TSPAN18: variants seen among roughly 807,000 people sequenced by gnomAD.
TSPAN18 encodes the protein tetraspanin 18, also known as tetraspanin-18.
Under a neutral mutation model 27.3 loss-of-function variants are expected in TSPAN18, and 14 were observed. That is an observed-to-expected ratio of 0.51 (90% CI 0.34 to 0.80). The LOEUF (loss-of-function observed/expected upper bound fraction) is 0.80, where lower values mean the gene tolerates loss of function less well. Ranked by LOEUF, TSPAN18 falls within the 30% of genes least tolerant of loss-of-function variation. The pLI, the probability that TSPAN18 is intolerant of heterozygous loss-of-function variation, is 0.01. For missense variants in TSPAN18, 268 were observed against 323.9 expected (o/e 0.83, Z 1.32); for synonymous variants, 143 against 136.5 (o/e 1.05, Z -0.33).
intron 2 of TSPAN18, among the ~76,000 whole-genome samples, chr11:44,794,187 T>C (rs966186237): frequency 9.2e-5 from 14 of 152,168 alleles, no homozygotes; most frequent in Non-Finnish European, 1.5e-5. Context: ...GAAAGAACCA[T>C]GGTCAAGTTT....
At chr11:44,924,080 C>T (rs112439722) in intron 8 of TSPAN18, among the ~76,000 whole-genome samples, 1 of 143,862 alleles carries the variant, frequency 7.0e-6, no homozygotes, top group African/African-American at 2.7e-5. Context: ...TGCTGCTTCT[C>T]CTGTCCCCTT....
chr11:44,865,122 A>G (rs571818442), intron 3 of TSPAN18, among the ~76,000 whole-genome samples: 2 of 152,368 alleles, frequency 1.3e-5, no homozygotes, highest in Admixed American at 1.3e-4. Context: ...AAGTAGTGGA[A>G]TGGACTCAAA....
At chr11:44,772,957 C>T (rs997209509) in intron 2 of TSPAN18, among the ~76,000 whole-genome samples, 3 of 151,986 alleles carry the variant, frequency 2.0e-5, no homozygotes, top group Admixed American at 6.5e-5. Context: ...GCACTGAGCC[C>T]GATTTTGAGT....
rs182754253 is a variant in TSPAN18 at position 44,834,473 on chromosome 11, A to G, written c.-152-25855A>G. On this transcript the variant is annotated intron_variant, in intron 2 of 9. Transcript: ENST00000520358. ...GGGTTGTGAAGTTGGCAAATGATGA[A>G]TCTATTTTTTTTTCCACTTTGATGA... Among the ~76,000 whole-genome samples, 15 of 149,966 alleles carry G rather than the reference A, an allele frequency of 1.0e-4. No homozygotes were observed. The East Asian group carries it at 3.0e-3, about 30-fold the overall frequency.
At chr11:44,741,101 C>T (rs1854922695) in intron 1 of TSPAN18, among the ~76,000 whole-genome samples, 1 of 152,148 alleles carries the variant, frequency 6.6e-6, no homozygotes, top group South Asian at 2.1e-4. Flanking sequence ...ACCTCGGAGC[C>T]TTGTGTCCCC....
At chr11:44,888,292 A>T (rs1858728134) in intron 3 of TSPAN18, among the ~76,000 whole-genome samples, 2 of 152,154 alleles carry the variant, frequency 1.3e-5, no homozygotes, top group African/African-American at 4.8e-5. Context: ...AAGCTTACTC[A>T]CCTTCTCTGA....
intron 3 of TSPAN18, among the ~76,000 whole-genome samples, chr11:44,874,289 G>A (rs1235338505): frequency 2.0e-5 from 3 of 152,172 alleles, no homozygotes; most frequent in African/African-American, 7.2e-5. Flanking sequence ...TGGGCATGGG[G>A]AAAAGGGTGG....
intron 2 of TSPAN18, among the ~76,000 whole-genome samples, chr11:44,809,361 G>A (rs920175005): frequency 6.6e-5 from 10 of 151,892 alleles, no homozygotes; most frequent in Middle Eastern, 3.2e-3. Context: ...TGCATCCCCA[G>A]GACCCGGCAT....
intron 2 of TSPAN18, among the ~76,000 whole-genome samples, chr11:44,826,875 A>G (rs1247355213): frequency 1.3e-5 from 2 of 151,926 alleles, no homozygotes; most frequent in African/African-American, 2.4e-5. Context: ...GTATAATGTC[A>G]TTTCTCCTTT....
At chr11:44,890,837 A>T (rs145267602) in intron 3 of TSPAN18, among the ~76,000 whole-genome samples, 5 of 126,000 alleles carry the variant, frequency 4.0e-5, no homozygotes, top group African/African-American at 1.3e-4. Context: ...ATGTTTATTT[A>T]AAAAAAGCAC....
chr11:44,917,044 T>C (rs1012644485), intron 5 of TSPAN18, among the ~76,000 whole-genome samples: 1 of 152,232 alleles, frequency 6.6e-6, no homozygotes, highest in East Asian at 1.9e-4. Context: ...CATTCATCCA[T>C]GTAAGAGTCC....
intron 2 of TSPAN18, among the ~76,000 whole-genome samples, chr11:44,820,696 C>T (rs1047892139): frequency 6.6e-6 from 1 of 151,730 alleles, no homozygotes; most frequent in Admixed American, 6.6e-5. Flanking sequence ...AATTTGACCC[C>T]CAGTGTTGGA....
At chr11:44,851,213 G>A (rs1173038194) in intron 2 of TSPAN18, among the ~76,000 whole-genome samples, 3 of 152,220 alleles carry the variant, frequency 2.0e-5, no homozygotes, top group Non-Finnish European at 1.5e-5. Flanking sequence ...CAGTGGGCCA[G>A]CGGGGAATCT....
intron 2 of TSPAN18, among the ~76,000 whole-genome samples, chr11:44,785,609 C>T (rs1856038451): frequency 7.1e-6 from 1 of 140,434 alleles, no homozygotes; most frequent in South Asian, 2.2e-4. Context: ...TGAGTTTTTT[C>T]CACAAAGTAC....
chr11:44,762,610 C>T (rs1022239266), intron 1 of TSPAN18, among the ~76,000 whole-genome samples: 1 of 151,792 alleles, frequency 6.6e-6, no homozygotes, highest in Non-Finnish European at 1.5e-5. Context: ...CCTATATATA[C>T]ACATATGTGT....
rs1309041599 is a variant in TSPAN18 at position 44,726,972 on chromosome 11, G to C, written c.-555G>C. On this transcript the variant is annotated 5_prime_UTR_variant, in exon 1 of 10. Transcript: ENST00000520358. ...GGCTGGCGGGCGTGCAGCTGCCGCCGGCGTCGCGGGGCTCCAGGCTGCGGG... is the reference window on the plus strand; with the variant it reads ...GGCTGGCGGGCGTGCAGCTGCCGCCCGCGTCGCGGGGCTCCAGGCTGCGGG... The C allele has an allele frequency of 1.4e-5, 2 of 146,930 alleles. No homozygotes were observed. The highest frequency in any genetic ancestry group is 3.1e-5 in the Non-Finnish European group (2 of 65,508). The allele number at this position is 146,930 out of a possible 1,614,324, so 9.1% of individuals were successfully genotyped here. A position where few individuals can be genotyped will look rare whatever the true frequency, so the allele number is the denominator to read the frequency against.
At chr11:44,762,637 T>G (rs955535561) in intron 1 of TSPAN18, among the ~76,000 whole-genome samples, 16 of 149,282 alleles carry the variant, frequency 1.1e-4, no homozygotes, top group South Asian at 8.4e-4. Context: ...GTGTGTGTGT[T>G]TGTGTGTGTG....
intron 3 of TSPAN18, chr11:44,903,800 TGGA>T: frequency 2.4e-6 from 1 of 410,102 alleles, no homozygotes; most frequent in East Asian, 7.1e-5. Context: ...CCTTCCAAGC[TGGA>T]TTGCCTGGGT....
At position 44,851,622 on chromosome 11, in the gene TSPAN18, C is replaced by T. The variant is rs75939585; in HGVS notation, c.-152-8706C>T. On this transcript the variant is annotated intron_variant, in intron 2 of 9. Coordinates refer to ENST00000520358, the MANE Select transcript of TSPAN18 (RefSeq NM_130783.5). ...CCAGGTACTCTTGTCACCTCCCCCC[C>T]CCAACGGCTGGGTCCCTGTCTACCT... Among the ~76,000 whole-genome samples the T allele has an allele frequency of 8.3e-3, 1,226 of 148,442 alleles. 54 individuals are homozygous for T. The highest frequency in any genetic ancestry group is 0.028 in the African/African-American group (1,118 of 40,590).
Sources: gnomAD v4.1 joint callset for allele counts (sites outside exome capture counted in the v4.1 genomes callset) on GRCh38, gnomAD v4.1.1 for gene constraint, MANE v1.5 for transcripts, NCBI Gene and HGNC (gene_info 2026-07-23, HGNC 2026-07-21) for gene names.